LRRC45: variants seen among roughly 807,000 people sequenced by gnomAD.
The protein encoded by LRRC45 is leucine-rich repeat-containing protein 45.
A neutral mutation model predicts 85.4 loss-of-function variants in LRRC45; 73 were observed. The observed-to-expected ratio is 0.85, with a 90% CI of 0.71 to 1.04. The LOEUF (loss-of-function observed/expected upper bound fraction) is 1.04, where lower values mean the gene tolerates loss of function less well. Among genes scored for constraint, LRRC45 ranks in the 50% least tolerant of loss-of-function variants. LRRC45 has a pLI of 0.00. For missense variants in LRRC45, 937 were observed against 883.3 expected, an observed-to-expected ratio of 1.06 and a Z score of -0.77; for synonymous variants, 429 against 386.0, an observed-to-expected ratio of 1.11 and a Z score of -1.31.
Position 82,029,095 on chromosome 17 carries a change from G to A in LRRC45, c.1311G>A (p.Val437=). The change falls in exon 13 of 17, where the codon GTG becomes GTA. Residue 437 remains valine (V), a splice_region_variant and synonymous_variant. Transcript: ENST00000306688. ...CCACAATCCCTGCCCCTGAGCAGGT[G>A]GAGCATATGACCCGTCACCTGGAGG... is the stretch of plus-strand genomic sequence containing the variant. ...EDSESLRIKE[V]EHMTRHLEES... The A allele has an allele frequency of 6.2e-7, 1 of 1,612,342 alleles. No homozygotes were observed. The highest frequency in any genetic ancestry group is 8.5e-7 in the Non-Finnish European group (1 of 1,179,828).
In LRRC45 at chr17:82,029,551, C is replaced by T. The variant is rs1475548211; in HGVS notation, c.1410C>T (p.Ser470=). The part of the protein sequence containing the change: ...AARLSLEEEL[S]RVKAAALSER... ...GGTGGCCATCTGTGCAGGAGCTGAG[C>T]CGAGTGAAAGCAGCGGCACTCAGCG... The change falls in exon 14 of 17, where the codon AGC becomes AGT. Residue 470 remains serine (S), a synonymous_variant. Coordinates refer to ENST00000306688, the MANE Select transcript of LRRC45 (RefSeq NM_144999.4). The T allele has an allele frequency of 6.4e-7, 1 of 1,571,118 alleles. No individual in the cohort carries two copies. Among genetic ancestry groups the T allele is most frequent in the African/African-American group, 1.4e-5 (1 of 73,788 alleles).
Position 82,029,723 on chromosome 17 carries a change from T to A in LRRC45, c.1494+88T>A. On this transcript the variant is annotated intron_variant, in intron 14 of 16. Transcript: ENST00000306688. ...GCAGACTCCAGAGCTTCGGTCTGAG[T>A]GGGGAGGCGGGAGTGTGGTGTTGAG... 1.5e-6 allele frequency: 2 copies of A among 1,309,192 alleles called. 1 individual carries two copies. The highest frequency in any genetic ancestry group is 2.6e-5 in the South Asian group (2 of 78,038). The allele number at this position is 1,309,192 out of a possible 1,614,324, so 81.1% of individuals were successfully genotyped here.
At position 82,025,029 on chromosome 17, in the gene LRRC45, C is replaced by T. The variant is rs757010569; in HGVS notation, c.383C>T (p.Thr128Met). Reference protein sequence around the residue: ...SLTLEWNSLGTWDDAFATFCG... With the variant: ...SLTLEWNSLGMWDDAFATFCG... ...ACGCTGGAGTGGAACAGCCTGGGCA[C>T]GTGGGACGATGCCTTCGCCACCTTC... The change falls in exon 4 of 17, where the codon ACG (threonine) becomes ATG (methionine). Residue 128 changes from threonine to methionine, a missense_variant. Coordinates refer to ENST00000306688, the MANE Select transcript of LRRC45 (RefSeq NM_144999.4). 3.7e-6 allele frequency: 6 copies of T among 1,601,084 alleles called. No homozygotes were observed. The highest frequency in any genetic ancestry group is 2.2e-5 in the South Asian group (2 of 89,124).
chr17:82,027,844 C>A, intron 8 of LRRC45, 93 bp downstream of exon 8: 1 of 1,533,424 alleles, frequency 6.5e-7, no homozygotes. Context: ...GTTTGCAAAG[C>A]AGAGGTGGGA....
In LRRC45 at chr17:82,025,158, A is replaced by G; in HGVS notation, c.512A>G (p.Asn171Ser). ...AEELALALKG[N>S]TTLQQLDLRW... is the part of the protein sequence containing the mutation. ...GAGCTGGCCCTAGCCCTGAAGGGCA[A>G]CACCACCCTCCAGCAGCTGGGTGAG... is the stretch of plus-strand genomic sequence containing the variant. The change falls in exon 4 of 17, where the codon AAC becomes AGC. Residue 171 changes from asparagine to serine, a missense_variant. By Grantham distance (46) the Asn-to-Ser change is conservative. Coordinates refer to ENST00000306688, the MANE Select transcript of LRRC45 (RefSeq NM_144999.4). 6.2e-7 allele frequency: 1 copy of G among 1,602,042 alleles called. No homozygotes were observed. Among genetic ancestry groups the G allele is most frequent in the Non-Finnish European group, 8.5e-7 (1 of 1,173,440 alleles).
Position 82,029,550 on chromosome 17 carries a change from G to T in LRRC45, c.1409G>T (p.Ser470Ile). Residue 470 changes from serine to isoleucine, a missense_variant, in exon 14 of 17, where the codon AGC becomes ATC. Physicochemically the swap from Ser to Ile is moderately radical, Grantham distance 142. Transcript: ENST00000306688. Reference sequence around the variant, plus strand: ...AGGTGGCCATCTGTGCAGGAGCTGAGCCGAGTGAAAGCAGCGGCACTCAGC... The same window carrying T: ...AGGTGGCCATCTGTGCAGGAGCTGATCCGAGTGAAAGCAGCGGCACTCAGC... ...AARLSLEEELSRVKAAALSER... is the reference protein window; with the variant it reads ...AARLSLEEELIRVKAAALSER... The T allele has an allele frequency of 6.4e-7, 1 of 1,570,868 alleles. No individual in the cohort carries two copies. Among genetic ancestry groups the T allele is most frequent in the Admixed American group, 1.8e-5 (1 of 54,264 alleles).
Position 82,025,464 on chromosome 17 carries a change from C to A in LRRC45, c.618C>A (p.Asp206Glu), listed in dbSNP as rs772769787. 6.2e-7 allele frequency: 1 copy of A among 1,609,600 alleles called. No individual in the cohort carries two copies. Among genetic ancestry groups the A allele is most frequent in the East Asian group, 2.2e-5 (1 of 44,838 alleles). ...GCAACAGAACCCTGTGGAGACTGGA[C>A]CTGGCTGGGAACAACATCCCTGGAG... ...LPSNRTLWRL[D>E]LAGNNIPGDV... Residue 206 changes from aspartate (D) to glutamate (E), a missense_variant, in exon 5 of 17, where the codon GAC (aspartate) becomes GAA (glutamate). Physicochemically the swap from Asp to Glu is conservative, Grantham distance 45 (BLOSUM62 2). Transcript: ENST00000306688.
At position 82,025,155 on chromosome 17, in the gene LRRC45, G is replaced by A. The variant is rs1156633950; in HGVS notation, c.509G>A (p.Gly170Asp). The A allele has an allele frequency of 6.2e-7, 1 of 1,603,342 alleles. No individual in the cohort carries two copies. The highest frequency in any genetic ancestry group is 8.5e-7 in the Non-Finnish European group (1 of 1,174,178). ...GAEELALALK[G>D]NTTLQQLDLR... is the part of the protein sequence containing the mutation. ...GAGGAGCTGGCCCTAGCCCTGAAGGGCAACACCACCCTCCAGCAGCTGGGT... is the reference window on the plus strand; with the variant it reads ...GAGGAGCTGGCCCTAGCCCTGAAGGACAACACCACCCTCCAGCAGCTGGGT... Residue 170 changes from glycine (G) to aspartate (D), a missense_variant, in exon 4 of 17, where the codon GGC becomes GAC. Transcript: ENST00000306688.
At chr17:82,027,641 G>C (rs778313811) in intron 7 of LRRC45, 33 bp from the exon 8 acceptor site, 1 of 1,602,168 alleles carries the variant, frequency 6.2e-7, no homozygotes, top group South Asian at 1.1e-5. Context: ...CTGGGGTTTG[G>C]GTTACTCTCT....
intron 6 of LRRC45, 127 bp from the exon 7 acceptor site, chr17:82,027,257 CAG>C (rs1171503383): frequency 2.1e-5 from 25 of 1,192,202 alleles, no homozygotes; most frequent in South Asian, 3.9e-5. Context: ...GTGAAGGAGA[CAG>C]GGCACCGTGG....
rs1385874844 is a variant in LRRC45 at position 82,023,424 on chromosome 17, C to G, written c.-220C>G. On this transcript the variant is annotated 5_prime_UTR_variant, in exon 1 of 17. Coordinates refer to ENST00000306688, the MANE Select transcript of LRRC45 (RefSeq NM_144999.4). ...CCTGCCTGCTTCCTGCACGGGTGGT[C>G]CCCAAGCACTGCGGGGCCCCAGCCC... The G allele has an allele frequency of 7.4e-6, 4 of 540,662 alleles. No individual in the cohort carries two copies. The highest frequency in any genetic ancestry group is 1.3e-5 in the Non-Finnish European group (4 of 309,322). The allele number at this position is 540,662 out of a possible 1,614,324, so 33.5% of individuals were successfully genotyped here.
Position 82,023,333 on chromosome 17 carries a change from C to A in LRRC45, c.-311C>A, listed in dbSNP as rs1046375657. The A allele has an allele frequency of 1.1e-4, 48 of 449,990 alleles. No homozygotes were observed. The highest frequency in any genetic ancestry group is 1.5e-4 in the Non-Finnish European group (39 of 254,722). The allele number at this position is 449,990 out of a possible 1,614,324, so 27.9% of individuals were successfully genotyped here. On this transcript the variant is annotated 5_prime_UTR_variant, in exon 1 of 17. Transcript: ENST00000306688. ...CTTCCTGGATACTGAGGCCCCGACG[C>A]GGCTGTCGCGAGGGCGGGGGTCGGG...
chr17:82,024,077 G>C (rs2043342256), intron 1 of LRRC45: 1 of 732,194 alleles, frequency 1.4e-6, no homozygotes, highest in Non-Finnish European at 2.2e-6. Flanking sequence ...GGTTCCCCGC[G>C]TGCAGAGCCG....
In LRRC45 at chr17:82,027,382, C is replaced by G. The variant is rs1331072164; in HGVS notation, c.775-4C>G. The stretch of plus-strand genomic sequence containing the variant: ...GACAGGGCTGCGGCTGTCTCTGTCC[C>G]CAGTTCCTCGACTTGATGGAGACTA... On this transcript the variant is annotated splice_polypyrimidine_tract_variant and splice_region_variant and intron_variant, in intron 6 of 16. Transcript: ENST00000306688. 6.2e-7 allele frequency: 1 copy of G among 1,612,576 alleles called. No homozygotes were observed. The highest frequency in any genetic ancestry group is 8.5e-7 in the Non-Finnish European group (1 of 1,179,938).
Position 82,023,376 on chromosome 17 carries a change from G to A in LRRC45, c.-268G>A. ...GGGTCGGGGCTGCAGGCGGGGCAGG[G>A]CTGGGTGGGGGCGCGCGACGCACCT... On this transcript the variant is annotated 5_prime_UTR_variant, in exon 1 of 17. Coordinates refer to ENST00000306688, the MANE Select transcript of LRRC45 (RefSeq NM_144999.4). 1 of 497,456 alleles carries A rather than the reference G, an allele frequency of 2.0e-6. No homozygotes were observed. Among genetic ancestry groups the A allele is most frequent in the South Asian group, 2.9e-5 (1 of 34,094 alleles). The allele number at this position is 497,456 out of a possible 1,614,324, so 30.8% of individuals were successfully genotyped here.
chr17:82,024,244 G>T (rs2043344420), intron 1 of LRRC45, 34 bp from the exon 2 acceptor site: 3 of 1,607,984 alleles, frequency 1.9e-6, no homozygotes, highest in Admixed American at 1.7e-5. Flanking sequence ...GGGTCAGCAG[G>T]GGCAGAGAGT....
At chr17:82,025,827 G>A (rs1242480091) in intron 5 of LRRC45, among the ~76,000 whole-genome samples, 1 of 152,196 alleles carries the variant, frequency 6.6e-6, no homozygotes, top group Non-Finnish European at 1.5e-5. Flanking sequence ...TGATGCTTCG[G>A]GTGGCCCAGG....
rs760852593 is a variant in LRRC45 at position 82,030,413 on chromosome 17, C to G, written c.1763C>G (p.Ala588Gly). Residue 588 changes from alanine to glycine, a missense_variant, in exon 16 of 17, where the codon GCG becomes GGG. Coordinates refer to ENST00000306688, the MANE Select transcript of LRRC45 (RefSeq NM_144999.4). ...AACGGCCGGCTGCAGGCGGAGCTGGCGGCTCAGGAGGCGCTGAGGGAGAAG... is the reference window on the plus strand; with the variant it reads ...AACGGCCGGCTGCAGGCGGAGCTGGGGGCTCAGGAGGCGCTGAGGGAGAAG... ...EQNGRLQAEL[A>G]AQEALREKAA... The G allele has an allele frequency of 1.4e-5, 21 of 1,549,218 alleles. No individual in the cohort carries two copies. The highest frequency in any genetic ancestry group is 1.7e-5 in the Non-Finnish European group (20 of 1,147,024).
At position 82,028,410 on chromosome 17, in the gene LRRC45, A is replaced by G; in HGVS notation, c.1139A>G (p.Glu380Gly). ...GCCGGCTTTCAGGTAGACGAGTTGG[A>G]GCGGAAGTTCAGGTGTCAGCAGGAG... ...LLLQNQVDEL[E>G]RKFRCQQEQL... Residue 380 changes from glutamate to glycine, a missense_variant, in exon 11 of 17, where the codon GAG becomes GGG. Glu to Gly is a moderately conservative substitution (Grantham distance 98). Coordinates refer to ENST00000306688, the MANE Select transcript of LRRC45 (RefSeq NM_144999.4). 6.2e-7 allele frequency: 1 copy of G among 1,612,612 alleles called. No individual in the cohort carries two copies. Among genetic ancestry groups the G allele is most frequent in the Non-Finnish European group, 8.5e-7 (1 of 1,179,960 alleles).
Sources: gnomAD v4.1 joint callset for allele counts (sites outside exome capture counted in the v4.1 genomes callset) on GRCh38, gnomAD v4.1.1 for gene constraint, MANE v1.5 for transcripts, NCBI Gene and HGNC (gene_info 2026-07-23, HGNC 2026-07-21) for gene names.